Variants in HDAC8 observed in about 807,000 individuals in gnomAD.
The protein encoded by HDAC8 is histone deacetylase-like 1.
In HDAC8, 1 loss-of-function variant was observed where a neutral mutation model predicts 32.2. That is an observed-to-expected ratio of 0.03 (90% confidence interval 0.01 to 0.15). The LOEUF (loss-of-function observed/expected upper bound fraction) is 0.15, where lower values mean the gene tolerates loss of function less well. Ranked by LOEUF, HDAC8 falls within the 10% of genes least tolerant of loss-of-function variation. HDAC8 has a pLI of 1.00. For missense variants in HDAC8, 117 were observed against 300.0 expected (o/e 0.39, Z 4.51); for synonymous variants, 108 against 113.9 (o/e 0.95, Z 0.33).
At chrX:72,472,059 T>C (rs1413812630) in intron 7 of HDAC8, among the ~76,000 whole-genome samples, 1 of 81,038 alleles carries the variant, frequency 1.2e-5, no homozygotes, top group African/African-American at 3.5e-5. Flanking sequence ...TTATTTTTTA[T>C]TTTATTTTAT....
chrX:72,352,352 T>A (rs2044207909), intron 9 of HDAC8, among the ~76,000 whole-genome samples: 1 of 111,769 alleles, frequency 8.9e-6, no homozygotes, highest in Non-Finnish European at 1.9e-5. Context: ...TTGGTACTTC[T>A]TTCAGGGCCC....
At chrX:72,512,718 G>A (rs2147336419) in intron 4 of HDAC8, among the ~76,000 whole-genome samples, 1 of 111,469 alleles carries the variant, frequency 9.0e-6, no homozygotes, top group Non-Finnish European at 1.9e-5. Context: ...TCCTCCTGCT[G>A]TCTGTCCCCT....
At chrX:72,365,989 G>A (rs1569244572) in intron 9 of HDAC8, among the ~76,000 whole-genome samples, 1 of 112,485 alleles carries the variant, frequency 8.9e-6, no homozygotes, top group Non-Finnish European at 1.9e-5. Context: ...AGATGCACAA[G>A]ACTTGGCCCC....
At chrX:72,360,854 G>GTGATATTATTGGGAGT (rs1458432524) in intron 9 of HDAC8, among the ~76,000 whole-genome samples, 1 of 112,311 alleles carries the variant, frequency 8.9e-6, no homozygotes, top group Non-Finnish European at 1.9e-5. Context: ...TAAAATTGCA[G>GTGATATTATTGGGAGT]TGATATTATT....
intron 7 of HDAC8, among the ~76,000 whole-genome samples, chrX:72,477,340 C>A (rs986601930): frequency 3.6e-5 from 4 of 112,203 alleles, no homozygotes; most frequent in Non-Finnish European, 7.5e-5. Context: ...GGAATAAAGG[C>A]CTATATCTCT....
intron 4 of HDAC8, among the ~76,000 whole-genome samples, chrX:72,549,674 C>T (rs1317812687): frequency 9.0e-6 from 1 of 111,729 alleles, no homozygotes; most frequent in African/African-American, 3.3e-5. Flanking sequence ...ATCTTCACCC[C>T]ATAGGCTTCT....
intron 9 of HDAC8, among the ~76,000 whole-genome samples, chrX:72,353,155 T>A (rs781800988): frequency 8.9e-6 from 1 of 112,285 alleles, no homozygotes; most frequent in East Asian, 2.8e-4. Context: ...ATTATCCTTG[T>A]TAAGAGTCTG....
intron 9 of HDAC8, among the ~76,000 whole-genome samples, chrX:72,419,679 G>A (rs1046803160): frequency 9.0e-6 from 1 of 111,514 alleles, no homozygotes; most frequent in Non-Finnish European, 1.9e-5. Context: ...TAATATTCAT[G>A]TCTTGATCTT....
chrX:72,541,763 A>G (rs1556043296), intron 4 of HDAC8, among the ~76,000 whole-genome samples: 3 of 111,483 alleles, frequency 2.7e-5, no homozygotes, highest in Non-Finnish European at 5.6e-5. Context: ...AAAGGAGTCA[A>G]GGGCAATTCT....
intron 9 of HDAC8, among the ~76,000 whole-genome samples, chrX:72,393,522 GT>G (rs2045668621): frequency 4.5e-5 from 5 of 112,006 alleles, no homozygotes; most frequent in Admixed American, 9.5e-5. Context: ...CTAATCTTAT[GT>G]AATTAGATAG....
At chrX:72,479,178 A>G (rs1445449798) in intron 7 of HDAC8, among the ~76,000 whole-genome samples, 1 of 111,956 alleles carries the variant, frequency 8.9e-6, no homozygotes, top group African/African-American at 3.3e-5. Flanking sequence ...TGTCAGGCAC[A>G]GTCGTTCAAA....
At chrX:72,433,512 G>A (rs1555978114) in intron 9 of HDAC8, among the ~76,000 whole-genome samples, 1 of 112,026 alleles carries the variant, frequency 8.9e-6, no homozygotes, top group Non-Finnish European at 1.9e-5. Context: ...ATTTACTTCT[G>A]TTCTTTAGAG....
chrX:72,530,219 C>T (rs1556034968), intron 4 of HDAC8, among the ~76,000 whole-genome samples: 1 of 111,827 alleles, frequency 8.9e-6, no homozygotes, highest in East Asian at 2.8e-4. Flanking sequence ...ATCAATAGTG[C>T]AGTTTACTGT....
chrX:72,338,950 A>G (rs972087066), intron 10 of HDAC8, among the ~76,000 whole-genome samples: 1 of 110,012 alleles, frequency 9.1e-6, no homozygotes, highest in East Asian at 2.8e-4. Flanking sequence ...GGCCTCATCT[A>G]TCATAAGCAG....
intron 9 of HDAC8, among the ~76,000 whole-genome samples, chrX:72,355,350 T>C (rs1249465078): frequency 8.9e-6 from 1 of 112,188 alleles, no homozygotes; most frequent in Admixed American, 9.4e-5. Context: ...AGAGGCCAGC[T>C]GACCTTCAAG....
At chrX:72,358,062 G>T (rs991130735) in intron 9 of HDAC8, among the ~76,000 whole-genome samples, 1 of 109,532 alleles carries the variant, frequency 9.1e-6, no homozygotes, top group Non-Finnish European at 1.9e-5. Context: ...GCACCACCAC[G>T]TCTGGCTAAT....
intron 9 of HDAC8, among the ~76,000 whole-genome samples, chrX:72,372,363 C>T (rs1312147393): frequency 9.1e-6 from 1 of 109,730 alleles, no homozygotes; most frequent in Admixed American, 9.7e-5. Flanking sequence ...ATTGTCTTCC[C>T]GACTAGACAT....
At chrX:72,338,293 T>A (rs2147691264) in intron 10 of HDAC8, among the ~76,000 whole-genome samples, 1 of 111,490 alleles carries the variant, frequency 9.0e-6, no homozygotes, top group Admixed American at 9.6e-5. Flanking sequence ...AAAAGACATC[T>A]GTAGACTACA....
chrX:72,558,442 A>G (rs2051359067), intron 4 of HDAC8, among the ~76,000 whole-genome samples: 1 of 112,340 alleles, frequency 8.9e-6, no homozygotes, highest in Non-Finnish European at 1.9e-5. Flanking sequence ...TACACAAGTC[A>G]ATAAGTGTGA....
Sources: allele counts gnomAD v4.1 joint callset (sites outside exome capture counted in the v4.1 genomes callset), GRCh38; gene constraint gnomAD v4.1.1; transcripts MANE v1.5; gene names NCBI Gene and HGNC (gene_info 2026-07-23, HGNC 2026-07-21).